PKNOX2: variants seen among roughly 807,000 people sequenced by gnomAD.
The protein encoded by PKNOX2 is homeobox protein PKNOX2.
PKNOX2 carries 14 observed loss-of-function variants against 53.1 expected under a neutral mutation model. The observed-to-expected ratio is 0.26, with a 90% CI of 0.17 to 0.41. The LOEUF (loss-of-function observed/expected upper bound fraction) is 0.41. Ranked by LOEUF, PKNOX2 falls within the 10% of genes least tolerant of loss-of-function variation. PKNOX2 has a pLI of 1.00. For missense variants in PKNOX2, 496 were observed against 602.8 expected, an observed-to-expected ratio of 0.82 and a Z score of 1.85; for synonymous variants, 257 against 242.8, an observed-to-expected ratio of 1.06 and a Z score of -0.54.
intron 2 of PKNOX2, among the ~76,000 whole-genome samples, chr11:125,269,959 T>A (rs1166024056): frequency 6.6e-6 from 1 of 152,158 alleles, no homozygotes; most frequent in East Asian, 1.9e-4. Flanking sequence ...TGCCAGGTGT[T>A]GTTGTGGGCA....
chr11:125,373,707 T>G (rs542471434), intron 5 of PKNOX2, among the ~76,000 whole-genome samples: 2 of 152,286 alleles, frequency 1.3e-5, no homozygotes, highest in East Asian at 3.9e-4. Context: ...ACAATTCAAT[T>G]AATTATGAAC....
chr11:125,404,026 G>A (rs1954917866), intron 7 of PKNOX2, among the ~76,000 whole-genome samples: 2 of 152,170 alleles, frequency 1.3e-5, no homozygotes, highest in Admixed American at 1.3e-4. Flanking sequence ...AAGGGGTAGG[G>A]GGCCATCACC....
At chr11:125,310,964 T>C (rs1948766026) in intron 2 of PKNOX2, among the ~76,000 whole-genome samples, 1 of 152,194 alleles carries the variant, frequency 6.6e-6, no homozygotes, top group Admixed American at 6.5e-5. Context: ...AATTTTTTTT[T>C]CTTTCCATTT....
chr11:125,186,167 A>G (rs1956438285), intron 1 of PKNOX2, among the ~76,000 whole-genome samples: 1 of 151,958 alleles, frequency 6.6e-6, no homozygotes, highest in East Asian at 1.9e-4. Flanking sequence ...ATGTCTTTTC[A>G]TTATTGGACA....
chr11:125,404,624 ACACACACACAAACACACACACACCAC>A (rs1954962752), intron 7 of PKNOX2, among the ~76,000 whole-genome samples: 1 of 147,260 alleles, frequency 6.8e-6, no homozygotes, highest in Admixed American at 6.8e-5. Context: ...CACACACATC[ACACACACACAAACACACACACACCAC>A]CACACACAGG....
In PKNOX2 at chr11:125,196,649, A is replaced by C. The variant is rs1045344953; in HGVS notation, c.-201+31873A>C. On this transcript the variant is annotated intron_variant, in intron 1 of 12. Coordinates refer to ENST00000298282, the MANE Select transcript of PKNOX2 (RefSeq NM_001382323.2). ...CTGGGTCAAACCCTGCTCCAATTTC[A>C]CCTGTGGCCTTGGGCAAGCTGCCTC... 2.6e-5 allele frequency among the ~76,000 whole-genome samples: 4 copies of C among 151,960 alleles called. No homozygotes were observed. The East Asian group carries it at 7.7e-4, about 29-fold the overall frequency.
chr11:125,202,047 C>A (rs1035672560), intron 1 of PKNOX2, among the ~76,000 whole-genome samples: 5 of 152,202 alleles, frequency 3.3e-5, no homozygotes, highest in Non-Finnish European at 7.3e-5. Context: ...TTAAAGAAAA[C>A]ACAGAGGGTC....
Position 125,194,445 on chromosome 11 carries a change from G to A in PKNOX2, c.-201+29669G>A, listed in dbSNP as rs141847973. On this transcript the variant is annotated intron_variant, in intron 1 of 12. Transcript: ENST00000298282. Reference sequence around the variant, plus strand: ...GGGGGATTCACAGGCAAGGAGGTTTGTAGCTCCCAGTCCCCCACCCCCACC... The same window carrying A: ...GGGGGATTCACAGGCAAGGAGGTTTATAGCTCCCAGTCCCCCACCCCCACC... 2.5e-3 allele frequency among the ~76,000 whole-genome samples: 375 copies of A among 152,244 alleles called. 2 individuals carry two copies. Among genetic ancestry groups the A allele is most frequent in the African/African-American group, 8.4e-3 (349 of 41,526 alleles).
chr11:125,328,911 G>C (rs1393393544), intron 2 of PKNOX2, among the ~76,000 whole-genome samples: 1 of 152,224 alleles, frequency 6.6e-6, no homozygotes, highest in African/African-American at 2.4e-5. Flanking sequence ...GCTGCTGATA[G>C]GATGTAAATG....
intron 3 of PKNOX2, among the ~76,000 whole-genome samples, chr11:125,340,633 C>G (rs1426399745): frequency 1.3e-5 from 2 of 152,176 alleles, no homozygotes; most frequent in Non-Finnish European, 2.9e-5. Context: ...GTTATTAATT[C>G]TATATTATCA....
chr11:125,356,676 G>A (rs796804220), intron 4 of PKNOX2, among the ~76,000 whole-genome samples: 9 of 152,344 alleles, frequency 5.9e-5, no homozygotes, highest in African/African-American at 2.2e-4. Context: ...GAGGAAGCCA[G>A]ACCTGTCTCT....
chr11:125,288,475 A>G (rs1348517781), intron 2 of PKNOX2, among the ~76,000 whole-genome samples: 1 of 152,234 alleles, frequency 6.6e-6, no homozygotes, highest in Non-Finnish European at 1.5e-5. Flanking sequence ...ACACAGTCAG[A>G]ACTGAAGACC....
chr11:125,348,975 T>A (rs145754937), intron 3 of PKNOX2, among the ~76,000 whole-genome samples: 2 of 152,238 alleles, frequency 1.3e-5, no homozygotes, highest in East Asian at 3.9e-4. Context: ...GCTATGGCCC[T>A]TCACTTTTTT....
intron 2 of PKNOX2, among the ~76,000 whole-genome samples, chr11:125,326,255 G>A (rs756888832): frequency 6.6e-5 from 10 of 152,300 alleles, no homozygotes; most frequent in Admixed American, 3.3e-4. Flanking sequence ...GAGTTCATTC[G>A]GCTGCAGAAA....
chr11:125,388,299 A>G (rs957176018), intron 6 of PKNOX2, among the ~76,000 whole-genome samples: 4 of 152,060 alleles, frequency 2.6e-5, no homozygotes, highest in African/African-American at 9.7e-5. Flanking sequence ...TATCAGCTCA[A>G]TCAGCTGCCA....
intron 2 of PKNOX2, among the ~76,000 whole-genome samples, chr11:125,282,944 G>T (rs1356102797): frequency 6.6e-6 from 1 of 152,190 alleles, no homozygotes; most frequent in Non-Finnish European, 1.5e-5. Context: ...TTGAGGTCAG[G>T]AGTTCGAGAC....
intron 3 of PKNOX2, among the ~76,000 whole-genome samples, chr11:125,338,011 T>A (rs1950510239): frequency 6.6e-6 from 1 of 152,182 alleles, no homozygotes; most frequent in African/African-American, 2.4e-5. Flanking sequence ...AAGCGTTCAT[T>A]TCCTGAGGAG....
Position 125,225,478 on chromosome 11 carries a change from G to T in PKNOX2, c.-200-9567G>T, listed in dbSNP as rs548562279. 5.3e-5 allele frequency among the ~76,000 whole-genome samples: 8 copies of T among 152,318 alleles called. No individual in the cohort carries two copies. The South Asian group carries it at 1.7e-3, about 32-fold the overall frequency. On this transcript the variant is annotated intron_variant, in intron 1 of 12. Coordinates refer to ENST00000298282, the MANE Select transcript of PKNOX2 (RefSeq NM_001382323.2). ...AATGTGAAATGAGGAGGTCAAGAGA[G>T]ATGATCTCTAAGAGTCTGCCCAGGC... is the stretch of plus-strand genomic sequence containing the variant.
chr11:125,290,055 A>G (rs973598480), intron 2 of PKNOX2, among the ~76,000 whole-genome samples: 7 of 152,286 alleles, frequency 4.6e-5, no homozygotes, highest in Admixed American at 2.0e-4. Context: ...GCTCCTTCCC[A>G]GCCCCAGCCC....
Sources: allele counts gnomAD v4.1 joint callset (sites outside exome capture counted in the v4.1 genomes callset), GRCh38; gene constraint gnomAD v4.1.1; transcripts MANE v1.5; gene names NCBI Gene and HGNC (gene_info 2026-07-23, HGNC 2026-07-21).